SLMAP: variants seen among roughly 807,000 people sequenced by gnomAD.
SLMAP encodes the protein sarcolemmal membrane-associated protein.
SLMAP carries 44 observed loss-of-function variants against 128.8 expected under a neutral mutation model. That is an observed-to-expected ratio of 0.34 (90% CI 0.27 to 0.44). The LOEUF (loss-of-function observed/expected upper bound fraction) is 0.44, where lower values mean the gene tolerates loss of function less well. Ranked by LOEUF, SLMAP falls within the 20% of genes least tolerant of loss-of-function variation. The pLI, the probability that SLMAP is intolerant of heterozygous loss-of-function variation, is 1.00. For synonymous variants in SLMAP, 327 were observed against 348.8 expected (o/e 0.94, Z 0.70); for missense variants, 787 against 985.3 (o/e 0.80, Z 2.69).
At chr3:57,892,669 C>A (rs932772884) in intron 15 of SLMAP, among the ~76,000 whole-genome samples, 3 of 151,920 alleles carry the variant, frequency 2.0e-5, no homozygotes, top group African/African-American at 2.4e-5. Flanking sequence ...TTCTGGCCAA[C>A]CTTGGTGACT....
intron 14 of SLMAP, among the ~76,000 whole-genome samples, chr3:57,878,295 C>A (rs2095651420): frequency 6.6e-6 from 1 of 152,186 alleles, no homozygotes; most frequent in Non-Finnish European, 1.5e-5. Flanking sequence ...GGGAACCTCA[C>A]AGAGCCTCTC....
chr3:57,841,464 C>T (rs1246396063), intron 4 of SLMAP, 93 bp downstream of exon 4: 2 of 622,680 alleles, frequency 3.2e-6, no homozygotes, highest in East Asian at 2.9e-5. Context: ...ACTGCTAATA[C>T]CTGCTTCAGG....
intron 10 of SLMAP, among the ~76,000 whole-genome samples, chr3:57,862,638 C>CAAAAAAA (rs752561093): frequency 7.3e-5 from 7 of 96,340 alleles, no homozygotes; most frequent in African/African-American, 1.7e-4. Context: ...CTTCGTCTCA[C>CAAAAAAA]AAAAAAAAAA....
chr3:57,865,018 C>T (rs2095256321), intron 12 of SLMAP, among the ~76,000 whole-genome samples, 161 bp downstream of exon 12: 1 of 151,968 alleles, frequency 6.6e-6, no homozygotes, highest in Non-Finnish European at 1.5e-5. Context: ...TGCTTGATTG[C>T]CACCAGTGGG....
At chr3:57,776,350 T>G (rs938165981) in intron 2 of SLMAP, among the ~76,000 whole-genome samples, 1 of 152,204 alleles carries the variant, frequency 6.6e-6, no homozygotes, top group African/African-American at 2.4e-5. Flanking sequence ...GTGGTTCTTA[T>G]CTGTTGGCTG....
chr3:57,891,812 G>A (rs1004399806), intron 15 of SLMAP, among the ~76,000 whole-genome samples: 4 of 152,090 alleles, frequency 2.6e-5, no homozygotes, highest in African/African-American at 9.7e-5. Flanking sequence ...CCTGACCTCA[G>A]ATGATCCACC....
chr3:57,906,300 CTTTTTTTTTCTTTTT>C (rs1477798987), intron 17 of SLMAP, among the ~76,000 whole-genome samples: 1 of 71,290 alleles, frequency 1.4e-5, no homozygotes, highest in Non-Finnish European at 2.8e-5. Context: ...AAATTTTTTT[CTTTTTTTTTCTTTTT>C]TTTTTTTTTT....
At chr3:57,798,852 G>A (rs1560026880) in intron 2 of SLMAP, among the ~76,000 whole-genome samples, 1 of 152,148 alleles carries the variant, frequency 6.6e-6, no homozygotes, top group Non-Finnish European at 1.5e-5. Context: ...TAAGTCTTCA[G>A]TGAATACTGA....
Position 57,920,844 on chromosome 3 carries a change from A to G in SLMAP, c.2311-2045A>G, listed in dbSNP as rs546924681. 2.1e-4 allele frequency among the ~76,000 whole-genome samples: 32 copies of G among 152,184 alleles called. No individual in the cohort carries two copies. The East Asian group carries it at 4.6e-3, about 22-fold the overall frequency. The stretch of plus-strand genomic sequence containing the variant: ...AGCCTGACCAACAAGGTGAAACCCC[A>G]TCTGTACTAAAAATACAAAAAAATT... On this transcript the variant is annotated intron_variant, in intron 22 of 24. Coordinates refer to ENST00000671191, the MANE Select transcript of SLMAP (RefSeq NM_001377540.1).
At chr3:57,876,890 T>C (rs2095616575) in intron 14 of SLMAP, among the ~76,000 whole-genome samples, 1 of 152,156 alleles carries the variant, frequency 6.6e-6, no homozygotes, top group Non-Finnish European at 1.5e-5. Flanking sequence ...TACTGTCTGT[T>C]CTAATGAGGA....
intron 2 of SLMAP, among the ~76,000 whole-genome samples, chr3:57,766,815 G>T (rs1413066438): frequency 6.6e-6 from 1 of 152,036 alleles, no homozygotes; most frequent in Non-Finnish European, 1.5e-5. Flanking sequence ...CAGTTCCAAT[G>T]TGAAACCTTC....
At chr3:57,825,547 T>A (rs2092865108) in intron 2 of SLMAP, among the ~76,000 whole-genome samples, 1 of 151,398 alleles carries the variant, frequency 6.6e-6, no homozygotes, top group Non-Finnish European at 1.5e-5. Context: ...CATTTAAACA[T>A]TTTTATATTA....
chr3:57,850,621 G>GTTTTA (rs2094465647), intron 6 of SLMAP, among the ~76,000 whole-genome samples: 1 of 151,886 alleles, frequency 6.6e-6, no homozygotes, highest in Non-Finnish European at 1.5e-5. Context: ...CTTTTGTTTT[G>GTTTTA]TTTTATTTTA....
At chr3:57,901,651 CA>C in intron 17 of SLMAP, 1 of 152,174 alleles carries the variant, frequency 6.6e-6, no homozygotes, top group Non-Finnish European at 1.5e-5. Flanking sequence ...TTCTACAGGA[CA>C]TACAACCCAG....
At chr3:57,759,395 A>G (rs1436355399) in intron 2 of SLMAP, among the ~76,000 whole-genome samples, 1 of 151,500 alleles carries the variant, frequency 6.6e-6, no homozygotes, top group Non-Finnish European at 1.5e-5. Context: ...CTCCTGCCTC[A>G]GCCTCCAAAG....
At chr3:57,833,945 A>G (rs191527909) in intron 3 of SLMAP, among the ~76,000 whole-genome samples, 1 of 152,270 alleles carries the variant, frequency 6.6e-6, no homozygotes, top group East Asian at 1.9e-4. Flanking sequence ...AAAAGTATTG[A>G]TTTTTATCCT....
At chr3:57,799,473 C>T (rs956200512) in intron 2 of SLMAP, among the ~76,000 whole-genome samples, 1 of 152,176 alleles carries the variant, frequency 6.6e-6, no homozygotes, top group Non-Finnish European at 1.5e-5. Context: ...CTTTTTGTAT[C>T]TTCTGCTAAT....
At chr3:57,888,488 G>A (rs192139985) in intron 14 of SLMAP, among the ~76,000 whole-genome samples, 10 of 151,940 alleles carry the variant, frequency 6.6e-5, no homozygotes, top group Admixed American at 2.6e-4. Flanking sequence ...GTGGTGGTGC[G>A]CACTCATAGT....
chr3:57,828,662 C>T (rs910606597), intron 2 of SLMAP, among the ~76,000 whole-genome samples: 19 of 152,024 alleles, frequency 1.2e-4, no homozygotes, highest in Non-Finnish European at 8.8e-5. Flanking sequence ...AGAAGAAGAA[C>T]GAGCAACTAA....
Sources: gnomAD v4.1 joint callset for allele counts (sites outside exome capture counted in the v4.1 genomes callset) on GRCh38, gnomAD v4.1.1 for gene constraint, MANE v1.5 for transcripts, NCBI Gene and HGNC (gene_info 2026-07-23, HGNC 2026-07-21) for gene names.